Variants in SLC22A23 observed in about 807,000 individuals in gnomAD.
The protein encoded by SLC22A23 is solute carrier family 22 member 23, also known as ion transporter protein.
A neutral mutation model predicts 61.0 loss-of-function variants in SLC22A23; 26 were observed. That is an observed-to-expected ratio of 0.43 (90% CI 0.31 to 0.59). SLC22A23 has a LOEUF of 0.59. SLC22A23 is among the 20% of genes least tolerant of loss of function. The pLI, the probability that SLC22A23 is intolerant of heterozygous loss-of-function variation, is 0.11. For missense variants in SLC22A23, 796 were observed against 934.7 expected (o/e 0.85, Z 1.94); for synonymous variants, 430 against 413.9 (o/e 1.04, Z -0.47).
intron 3 of SLC22A23, among the ~76,000 whole-genome samples, chr6:3,375,294 T>A (rs943353734): frequency 6.6e-6 from 1 of 152,190 alleles, no homozygotes; most frequent in African/African-American, 2.4e-5. Flanking sequence ...GCAAACCACC[T>A]CCTGTCAAAT....
intron 8 of SLC22A23, chr6:3,284,829 G>A: frequency 1.5e-6 from 2 of 1,369,310 alleles, no homozygotes; most frequent in Non-Finnish European, 2.0e-6. Flanking sequence ...TGGTGCCAGG[G>A]GAAGGGGCGG....
chr6:3,313,959 G>A (rs938598832), intron 4 of SLC22A23, among the ~76,000 whole-genome samples: 1 of 152,212 alleles, frequency 6.6e-6, no homozygotes, highest in African/African-American at 2.4e-5. Flanking sequence ...AACCCAAGAG[G>A]TGGAGGTTGT....
rs1373116475 is a variant in SLC22A23 at position 3,400,836 on chromosome 6, A to G, written c.913+9352T>C. 2.0e-5 allele frequency among the ~76,000 whole-genome samples: 3 copies of G among 152,200 alleles called. No individual in the cohort carries two copies. The East Asian group carries it at 5.8e-4, about 29-fold the overall frequency. On this transcript the variant is annotated intron_variant, in intron 3 of 9. Coordinates refer to ENST00000406686, the MANE Select transcript of SLC22A23 (RefSeq NM_015482.2). ...AACATCAGAACAAAACTGCATCTCT[A>G]ACTCAACTCAATTGTACTAAATGTA...
At chr6:3,419,994 T>C (rs778132194) in intron 1 of SLC22A23, among the ~76,000 whole-genome samples, 6 of 152,202 alleles carry the variant, frequency 3.9e-5, no homozygotes, top group Non-Finnish European at 5.9e-5. Flanking sequence ...ATGAAAAGCA[T>C]CCTTTAATTA....
intron 1 of SLC22A23, among the ~76,000 whole-genome samples, chr6:3,455,571 C>G (rs1772357373): frequency 6.6e-6 from 1 of 152,226 alleles, no homozygotes; most frequent in African/African-American, 2.4e-5. Context: ...GTGGTCCCGA[C>G]TCCCCCAGCA....
At chr6:3,383,082 T>C (rs1194748221) in intron 3 of SLC22A23, among the ~76,000 whole-genome samples, 1 of 152,116 alleles carries the variant, frequency 6.6e-6, no homozygotes, top group African/African-American at 2.4e-5. Flanking sequence ...TAGAGAGATG[T>C]ATAAAAGCAA....
Position 3,456,670 on chromosome 6 carries a change from G to T in SLC22A23, c.-111C>A. The T allele has an allele frequency of 1.4e-6, 1 of 710,340 alleles. No homozygotes were observed. Among genetic ancestry groups the T allele is most frequent in the South Asian group, 6.2e-5 (1 of 16,228 alleles). 44.0% of individuals were successfully genotyped at this position (710,340 alleles called of 1,614,324 possible). A position where few individuals can be genotyped will look rare whatever the true frequency, so the allele number is the denominator to read the frequency against. ...GCCTGCAGCCGCTGCCGCCGAGGAG[G>T]GCCCGCGGCTCGAGAGAGAGCGCTC... On this transcript the variant is annotated 5_prime_UTR_variant, in exon 1 of 10. Transcript: ENST00000406686. The surrounding 1 kb of genome is among the most constrained non-coding windows in gnomAD (Gnocchi z 7.1).
intron 3 of SLC22A23, among the ~76,000 whole-genome samples, chr6:3,394,145 G>A (rs535886450): frequency 3.3e-5 from 5 of 152,298 alleles, no homozygotes; most frequent in Admixed American, 2.6e-4. Context: ...GTGCTTTAGA[G>A]TAACAATTAC....
chr6:3,325,396 G>A lies in SLC22A23; in HGVS notation c.914-1394C>T, dbSNP rs142388417. Among the ~76,000 whole-genome samples the A allele has an allele frequency of 6.6e-3, 1,000 of 152,242 alleles. 35 individuals are homozygous for A. Among genetic ancestry groups the A allele is most frequent in the Admixed American group, 0.051 (775 of 15,282 alleles). ...AATTCCTACAGCAGCTCATCTGCTG[G>A]AAAAAAATAATAATGCCATCAGAAT... On this transcript the variant is annotated intron_variant, in intron 3 of 9. Coordinates refer to ENST00000406686, the MANE Select transcript of SLC22A23 (RefSeq NM_015482.2).
chr6:3,385,608 C>T (rs1767251197), intron 3 of SLC22A23, among the ~76,000 whole-genome samples: 1 of 152,224 alleles, frequency 6.6e-6, no homozygotes, highest in African/African-American at 2.4e-5. Flanking sequence ...GGTGCCTTAG[C>T]TGAACCACAC....
At position 3,317,650 on chromosome 6, in the gene SLC22A23, CA is replaced by C. The variant is rs1762717978; in HGVS notation, c.1082+6183del. On this transcript the variant is annotated intron_variant, in intron 4 of 9. Coordinates refer to ENST00000406686, the MANE Select transcript of SLC22A23 (RefSeq NM_015482.2). This position sits in a 1 kb window ranked among gnomAD's most constrained non-coding sequence, Gnocchi z 4.4. ...TACCGAGTGACAATCAATGCCTGAGCAAAATGACTAAAGATGCATTTCTCTT... is the reference window on the plus strand; with the variant it reads ...TACCGAGTGACAATCAATGCCTGAGCAAATGACTAAAGATGCATTTCTCTT... 6.6e-6 allele frequency among the ~76,000 whole-genome samples: 1 copy of C among 152,172 alleles called. No individual in the cohort carries two copies. The highest frequency in any genetic ancestry group is 1.5e-5 in the Non-Finnish European group (1 of 68,032).
intron 3 of SLC22A23, among the ~76,000 whole-genome samples, chr6:3,402,723 A>T (rs752034631): frequency 6.6e-6 from 1 of 152,200 alleles, no homozygotes; most frequent in African/African-American, 2.4e-5. Flanking sequence ...TCTGGTGCTC[A>T]CTGTCCCAGC....
chr6:3,318,542 T>C lies in SLC22A23; in HGVS notation c.1082+5292A>G, dbSNP rs1209012780. 6.6e-6 allele frequency among the ~76,000 whole-genome samples: 1 copy of C among 152,152 alleles called. No individual in the cohort carries two copies. The highest frequency in any genetic ancestry group is 2.4e-5 in the African/African-American group (1 of 41,428). On this transcript the variant is annotated intron_variant, in intron 4 of 9. Coordinates refer to ENST00000406686, the MANE Select transcript of SLC22A23 (RefSeq NM_015482.2). This position sits in a 1 kb window ranked among gnomAD's most constrained non-coding sequence, Gnocchi z 4.3. ...GCAATAAAGGCTCCTGCCCACGTTT[T>C]TGCCTCCCTGTGTGCCTCCTGGCCC...
chr6:3,393,188 G>T (rs978582950), intron 3 of SLC22A23, among the ~76,000 whole-genome samples: 2 of 152,172 alleles, frequency 1.3e-5, no homozygotes, highest in African/African-American at 2.4e-5. Flanking sequence ...CCTGAGCAGC[G>T]GGGGTGACGA....
Position 3,271,100 on chromosome 6 carries a change from G to A in SLC22A23, c.*1955C>T, listed in dbSNP as rs1233724082. On this transcript the variant is annotated 3_prime_UTR_variant, in exon 10 of 10. Coordinates refer to ENST00000406686, the MANE Select transcript of SLC22A23 (RefSeq NM_015482.2). ...TTGTTGACAGGTGGCTTTATAGCAAGTACTCCAAAAAAGGTAAAAGGAATT... is the reference window on the plus strand; with the variant it reads ...TTGTTGACAGGTGGCTTTATAGCAAATACTCCAAAAAAGGTAAAAGGAATT... The A allele has an allele frequency of 1.3e-5, 2 of 152,380 alleles. No homozygotes were observed. Among genetic ancestry groups the A allele is most frequent in the East Asian group, 1.9e-4 (1 of 5,330 alleles). 9.4% of individuals were successfully genotyped at this position (152,380 alleles called of 1,614,324 possible).
At chr6:3,428,610 T>C (rs1451841581) in intron 1 of SLC22A23, among the ~76,000 whole-genome samples, 2 of 152,194 alleles carry the variant, frequency 1.3e-5, no homozygotes, top group Non-Finnish European at 1.5e-5. Context: ...AGTTGATCCA[T>C]TCAGCATTCC....
intron 3 of SLC22A23, among the ~76,000 whole-genome samples, chr6:3,344,338 A>C (rs1190976743): frequency 2.0e-5 from 3 of 152,266 alleles, no homozygotes; most frequent in African/African-American, 7.2e-5. Context: ...AAAAAGCATA[A>C]GAAATAATAG....
rs1359972770 is a variant in SLC22A23, at chr6:3,414,716, T to A, written c.758+1036A>T. On this transcript the variant is annotated intron_variant, in intron 2 of 9. Transcript: ENST00000406686. The surrounding 1 kb of genome is among the most constrained non-coding windows in gnomAD (Gnocchi z 5.1). ...TTTCCTCAAGGCCAAGATGTCTCGA[T>A]TCACCAAAAAAAAAAAAAAAAAAAA... Among the ~76,000 whole-genome samples the A allele has an allele frequency of 9.8e-6, 1 of 101,866 alleles. No homozygotes were observed. The highest frequency in any genetic ancestry group is 4.4e-4 in the South Asian group (1 of 2,282). The allele number at this position is 101,866 out of a possible 152,430, so 66.8% of individuals were successfully genotyped here. A position where few individuals can be genotyped will look rare whatever the true frequency, so the allele number is the denominator to read the frequency against.
Position 3,394,093 on chromosome 6 carries a change from G to A in SLC22A23, c.913+16095C>T, listed in dbSNP as rs144787045. ...CCGGCAGTGACCCCACTAAAGACAC[G>A]GAAAATAAGGTCCAACCCAGAACTG... On this transcript the variant is annotated intron_variant, in intron 3 of 9. Transcript: ENST00000406686. 3.3e-5 allele frequency among the ~76,000 whole-genome samples: 5 copies of A among 152,288 alleles called. No individual in the cohort carries two copies. The East Asian group carries it at 5.8e-4, about 18-fold the overall frequency.
Sources: allele counts gnomAD v4.1 joint callset (sites outside exome capture counted in the v4.1 genomes callset), GRCh38; gene constraint gnomAD v4.1.1; non-coding constraint Gnocchi (gnomAD v3.1); transcripts MANE v1.5; gene names NCBI Gene and HGNC (gene_info 2026-07-23, HGNC 2026-07-21).